Variants in NCALD observed in about 807,000 individuals in gnomAD.
NCALD encodes the protein neurocalcin delta.
Under a neutral mutation model 18.6 loss-of-function variants are expected in NCALD, and 10 were observed. The observed-to-expected ratio is 0.54, with a 90% CI of 0.33 to 0.91. The LOEUF is 0.91. NCALD is among the 40% of genes least tolerant of loss of function. The probability of loss-of-function intolerance (pLI) is 0.03; values close to 1 mark genes in which losing one functional copy is unlikely to be tolerated. For missense variants in NCALD, 184 were observed against 247.6 expected (o/e 0.74, Z 1.72); for synonymous variants, 88 against 87.4 (o/e 1.01, Z -0.04).
intron 4 of NCALD, among the ~76,000 whole-genome samples, chr8:101,858,360 T>C (rs1277945590): frequency 6.6e-6 from 1 of 152,142 alleles, no homozygotes; most frequent in Non-Finnish European, 1.5e-5. Flanking sequence ...AGGCACCAGA[T>C]ACCTCTGAAA....
At chr8:101,918,942 TAG>T (rs747817253) in intron 2 of NCALD, among the ~76,000 whole-genome samples, 44 of 152,310 alleles carry the variant, frequency 2.9e-4, no homozygotes, top group Middle Eastern at 3.4e-3. Flanking sequence ...CGAAGCAATC[TAG>T]AGATTCGATG....
intron 1 of NCALD, among the ~76,000 whole-genome samples, chr8:101,776,233 A>C: frequency 6.6e-6 from 1 of 152,214 alleles, no homozygotes; most frequent in East Asian, 1.9e-4. Context: ...GATCAAAAGC[A>C]CATCCCTGTG....
At chr8:101,749,530 G>C (rs1392613277) in intron 1 of NCALD, among the ~76,000 whole-genome samples, 1 of 152,116 alleles carries the variant, frequency 6.6e-6, no homozygotes, top group Non-Finnish European at 1.5e-5. Flanking sequence ...TATATGACAG[G>C]CTAGCTATAT....
intron 2 of NCALD, among the ~76,000 whole-genome samples, chr8:101,952,154 C>G (rs1819451743): frequency 6.6e-6 from 1 of 152,114 alleles, no homozygotes; most frequent in Non-Finnish European, 1.5e-5. Context: ...GGAGGAAGCC[C>G]CAGAGAGCTG....
At chr8:101,821,864 A>G (rs1231409956) in intron 4 of NCALD, among the ~76,000 whole-genome samples, 1 of 142,308 alleles carries the variant, frequency 7.0e-6, no homozygotes, top group African/African-American at 2.7e-5. Flanking sequence ...ATATCCAGGA[A>G]CCTCTTGGGT....
intron 2 of NCALD, among the ~76,000 whole-genome samples, chr8:101,695,448 T>A (rs1312471125): frequency 2.6e-5 from 4 of 152,162 alleles, no homozygotes; most frequent in Non-Finnish European, 5.9e-5. Flanking sequence ...CCAGCTCAGA[T>A]GCTCCACAAA....
intron 1 of NCALD, among the ~76,000 whole-genome samples, chr8:102,104,881 G>C (rs116580336): frequency 0.013 from 1,996 of 152,264 alleles, 67 homozygotes; most frequent in African/African-American, 0.046. Context: ...TGAACAATAG[G>C]CATGAAACCA....
Position 101,875,799 on chromosome 8 carries a change from G to A in NCALD, c.-20+11342C>T, listed in dbSNP as rs143336689. ...GGAAGGACAAAGAATTAAACAAGCT[G>A]CTCACTGATTCAAATCCCTAAAGAA... On this transcript the variant is annotated intron_variant, in intron 4 of 6. Coordinates refer to the NCALD transcript ENST00000311028. 2.6e-3 allele frequency among the ~76,000 whole-genome samples: 395 copies of A among 152,304 alleles called. 1 individual carries two copies. Among genetic ancestry groups the A allele is most frequent in the Non-Finnish European group, 4.8e-3 (328 of 68,022 alleles).
At chr8:101,696,315 A>G (rs2130045636) in intron 2 of NCALD, among the ~76,000 whole-genome samples, 1 of 152,374 alleles carries the variant, frequency 6.6e-6, no homozygotes, top group African/African-American at 2.4e-5. Flanking sequence ...TTAGTAAAAT[A>G]AAGAAATACA....
chr8:101,703,863 G>T (rs1815387885), intron 2 of NCALD, among the ~76,000 whole-genome samples: 1 of 152,090 alleles, frequency 6.6e-6, no homozygotes, highest in Non-Finnish European at 1.5e-5. Context: ...ACACAAGACT[G>T]ACTACACACA....
chr8:101,943,792 T>A (rs1026038732), intron 2 of NCALD, among the ~76,000 whole-genome samples: 4 of 151,788 alleles, frequency 2.6e-5, no homozygotes, highest in South Asian at 2.1e-4. Flanking sequence ...TACAAAAAAA[T>A]TAGCCAGGCA....
intron 4 of NCALD, among the ~76,000 whole-genome samples, chr8:101,837,164 A>C (rs532992835): frequency 2.6e-5 from 4 of 152,228 alleles, no homozygotes; most frequent in African/African-American, 9.6e-5. Flanking sequence ...GACCTACACA[A>C]CACTCTTGTT....
chr8:102,029,923 A>G (rs1227381441), intron 1 of NCALD, among the ~76,000 whole-genome samples: 1 of 152,204 alleles, frequency 6.6e-6, no homozygotes, highest in African/African-American at 2.4e-5. Flanking sequence ...GTTGCATAGA[A>G]AATTTCAGGG....
intron 2 of NCALD, among the ~76,000 whole-genome samples, chr8:101,939,261 T>C (rs1013643515): frequency 7.2e-5 from 11 of 152,336 alleles, no homozygotes; most frequent in Non-Finnish European, 1.6e-4. Flanking sequence ...GCACTTTACC[T>C]CTATTCAATG....
intron 4 of NCALD, among the ~76,000 whole-genome samples, chr8:101,870,946 C>T (rs1815991945): frequency 8.0e-6 from 1 of 125,034 alleles, no homozygotes; most frequent in African/African-American, 3.1e-5. Flanking sequence ...ATCTAAAGAA[C>T]ATCTGGTCGA....
chr8:101,711,442 C>T (rs575030848), intron 2 of NCALD, among the ~76,000 whole-genome samples: 19 of 151,910 alleles, frequency 1.3e-4, no homozygotes, highest in Admixed American at 2.6e-4. Flanking sequence ...CAGAAGTAGG[C>T]TTCAGAAGGT....
intron 2 of NCALD, among the ~76,000 whole-genome samples, chr8:101,988,168 G>GA (rs1291358795): frequency 6.4e-4 from 47 of 73,724 alleles, no homozygotes; most frequent in African/African-American, 1.4e-3. Flanking sequence ...AAAAAAAAAA[G>GA]AAAAAAAAAA....
chr8:101,931,216 C>T, intron 2 of NCALD, among the ~76,000 whole-genome samples: 1 of 152,144 alleles, frequency 6.6e-6, no homozygotes, highest in East Asian at 1.9e-4. Flanking sequence ...GTGAAAAAGC[C>T]ATTTGCTGCC....
chr8:102,108,691 C>T (rs1825551970), intron 1 of NCALD, among the ~76,000 whole-genome samples: 1 of 151,978 alleles, frequency 6.6e-6, no homozygotes, highest in African/African-American at 2.4e-5. Context: ...CTTGTATTTC[C>T]CACATCTGAC....
Sources: gnomAD v4.1 joint callset for allele counts (sites outside exome capture counted in the v4.1 genomes callset) on GRCh38, gnomAD v4.1.1 for gene constraint, MANE v1.5 for transcripts, NCBI Gene and HGNC (gene_info 2026-07-23, HGNC 2026-07-21) for gene names.